NEK10: variants seen among roughly 807,000 people sequenced by gnomAD.
NEK10 encodes the protein NIMA related kinase 10.
A neutral mutation model predicts 159.8 loss-of-function variants in NEK10; 122 were observed. The observed-to-expected ratio is 0.76, with a 90% CI of 0.66 to 0.89. The LOEUF is 0.89. Ranked by LOEUF, NEK10 falls within the 40% of genes least tolerant of loss-of-function variation. The probability of loss-of-function intolerance (pLI) is 0.00; values close to 1 mark genes in which losing one functional copy is unlikely to be tolerated. For missense variants in NEK10, 1,342 were observed against 1,323.1 expected, an observed-to-expected ratio of 1.01 and a Z score of -0.22; for synonymous variants, 466 against 457.1, an observed-to-expected ratio of 1.02 and a Z score of -0.25.
intron 5 of NEK10, among the ~76,000 whole-genome samples, chr3:27,338,081 C>G (rs1287220951): frequency 6.6e-6 from 1 of 152,142 alleles, no homozygotes; most frequent in Admixed American, 6.5e-5. Flanking sequence ...TCTCCTAATG[C>G]TATCCCTCTC....
At chr3:27,173,302 T>C (rs1166357153) in intron 28 of NEK10, among the ~76,000 whole-genome samples, 1 of 152,202 alleles carries the variant, frequency 6.6e-6, no homozygotes, top group African/African-American at 2.4e-5. Context: ...ATCTCTTTCC[T>C]ACCTCCCCAC....
rs1954229239 is a variant in NEK10 at position 27,238,746 on chromosome 3, C to CGTGTGTGTGTGTGTAT, written c.2090+17549_2090+17550insATACACACACACACAC. On this transcript the variant is annotated intron_variant, in intron 23 of 35. Transcript: ENST00000691995. The stretch of plus-strand genomic sequence containing the variant: ...TATTTATCTAACCAACCTCCCCTTT[C>CGTGTGTGTGTGTGTAT]GTGTGTGTGTGTGTGTGTGTGTGTG... Among the ~76,000 whole-genome samples, 4 of 138,138 alleles carry CGTGTGTGTGTGTGTAT rather than the reference C, an allele frequency of 2.9e-5. No homozygotes were observed. The East Asian group carries it at 6.6e-4, about 23-fold the overall frequency. 90.6% of individuals were successfully genotyped at this position (138,138 alleles called of 152,430 possible).
intron 22 of NEK10, among the ~76,000 whole-genome samples, chr3:27,259,262 C>T (rs1334182915): frequency 6.6e-6 from 1 of 152,110 alleles, no homozygotes; most frequent in African/African-American, 2.4e-5. Flanking sequence ...GTTGCCATTG[C>T]TTTTGGTGTT....
intron 1 of NEK10, among the ~76,000 whole-genome samples, chr3:27,360,334 A>C (rs1334307963): frequency 6.6e-6 from 1 of 152,216 alleles, no homozygotes; most frequent in Non-Finnish European, 1.5e-5. Context: ...ACACATGAGA[A>C]GGCACATTCT....
chr3:27,176,778 T>C (rs929360815), intron 26 of NEK10, among the ~76,000 whole-genome samples: 2 of 152,160 alleles, frequency 1.3e-5, no homozygotes, highest in African/African-American at 4.8e-5. Context: ...CTGCAACCTT[T>C]TCAGGACTTT....
At chr3:27,167,738 G>A (rs769755070) in intron 29 of NEK10, among the ~76,000 whole-genome samples, 10 of 152,162 alleles carry the variant, frequency 6.6e-5, no homozygotes, top group African/African-American at 2.4e-4. Flanking sequence ...CAAAGAAATT[G>A]GGGCTTATTC....
chr3:27,221,349 A>G (rs1455492438), intron 23 of NEK10, among the ~76,000 whole-genome samples: 1 of 152,334 alleles, frequency 6.6e-6, no homozygotes, highest in East Asian at 1.9e-4. Flanking sequence ...GGGCAAAAAC[A>G]AAGTTGTTAA....
At chr3:27,316,387 T>G (rs1300794854) in intron 6 of NEK10, among the ~76,000 whole-genome samples, 2 of 151,600 alleles carry the variant, frequency 1.3e-5, no homozygotes, top group Non-Finnish European at 2.9e-5. Context: ...TAAGTGGGAG[T>G]GGCTGGGCAC....
chr3:27,347,353 T>G (rs1289739856), intron 3 of NEK10, among the ~76,000 whole-genome samples: 1 of 151,822 alleles, frequency 6.6e-6, no homozygotes, highest in Non-Finnish European at 1.5e-5. Flanking sequence ...AAATACAAAA[T>G]TAGCCAGGTG....
chr3:27,169,016 T>A (rs1047689163), intron 29 of NEK10, among the ~76,000 whole-genome samples: 2 of 152,196 alleles, frequency 1.3e-5, no homozygotes, highest in Non-Finnish European at 2.9e-5. Context: ...CATATGGGGT[T>A]TTTGTTTGGT....
intron 30 of NEK10, among the ~76,000 whole-genome samples, chr3:27,154,340 G>C (rs972571949): frequency 6.6e-6 from 1 of 152,284 alleles, no homozygotes; most frequent in African/African-American, 2.4e-5. Flanking sequence ...TCCAGGACCA[G>C]AGGGATTCAC....
chr3:27,250,537 C>T lies in NEK10; in HGVS notation c.2090+5759G>A, dbSNP rs369090527. Among the ~76,000 whole-genome samples the T allele has an allele frequency of 1.2e-4, 18 of 152,180 alleles. No individual in the cohort carries two copies. The South Asian group carries it at 3.7e-3, about 32-fold the overall frequency. On this transcript the variant is annotated intron_variant, in intron 23 of 35. Transcript: ENST00000691995. ...TTGTATGTTCAGATGGTTTCTTATTCCTCATTAATGCCCTTTCATTTCTGA... is the reference window on the plus strand; with the variant it reads ...TTGTATGTTCAGATGGTTTCTTATTTCTCATTAATGCCCTTTCATTTCTGA...
chr3:27,138,312 C>T (rs552718834), intron 31 of NEK10, among the ~76,000 whole-genome samples: 3 of 152,306 alleles, frequency 2.0e-5, no homozygotes, highest in South Asian at 4.1e-4. Context: ...TTCCAGGGCA[C>T]AGTACCTCAC....
intron 13 of NEK10, among the ~76,000 whole-genome samples, chr3:27,300,014 G>C (rs2043678147): frequency 6.6e-6 from 1 of 152,164 alleles, no homozygotes; most frequent in South Asian, 2.1e-4. Flanking sequence ...AATGAGTTAA[G>C]ACTTTGGGGG....
chr3:27,266,237 C>T (rs1019294044), intron 22 of NEK10, among the ~76,000 whole-genome samples: 2 of 152,176 alleles, frequency 1.3e-5, no homozygotes, highest in African/African-American at 2.4e-5. Context: ...GGCTTTGATG[C>T]TGTCTAAGAA....
At position 27,119,824 on chromosome 3, in the gene NEK10, T is replaced by TGTGAAAAAGTGGG. The variant is rs1941028154; in HGVS notation, c.3125_3126insCCCACTTTTTCAC (p.Ala1043ProfsTer23). 1 of 1,613,892 alleles carries TGTGAAAAAGTGGG rather than the reference T, an allele frequency of 6.2e-7. No homozygotes were observed. The highest frequency in any genetic ancestry group is 8.5e-7 in the Non-Finnish European group (1 of 1,179,910). On this transcript the variant is annotated frameshift_variant, in exon 33 of 36. Coordinates refer to ENST00000691995, the MANE Select transcript of NEK10 (RefSeq NM_001394966.1). LOFTEE classifies it high-confidence loss of function. ...AACGATGTAATAAATGGTAATCTGC[T>TGTGAAAAAGTGGG]GTGAAAAAGTTGGGCTCAATCGGTT...
At chr3:27,225,206 T>C (rs1477645383) in intron 23 of NEK10, among the ~76,000 whole-genome samples, 2 of 152,202 alleles carry the variant, frequency 1.3e-5, no homozygotes, top group South Asian at 4.1e-4. Context: ...CCAGTCTCTC[T>C]TTCCACACTT....
intron 26 of NEK10, among the ~76,000 whole-genome samples, chr3:27,177,555 AAT>A (rs572340320): frequency 0.055 from 7,740 of 141,966 alleles, 224 homozygotes; most frequent in African/African-American, 0.07. Context: ...CAAAAAAAAA[AAT>A]ATATATATAT....
intron 5 of NEK10, among the ~76,000 whole-genome samples, chr3:27,339,824 G>C (rs2047076871): frequency 6.7e-6 from 1 of 150,286 alleles, no homozygotes; most frequent in African/African-American, 2.4e-5. Context: ...TCTCACGCCA[G>C]TTAGAATGGT....
Sources: allele counts gnomAD v4.1 joint callset (sites outside exome capture counted in the v4.1 genomes callset), GRCh38; gene constraint gnomAD v4.1.1; transcripts MANE v1.5; gene names NCBI Gene and HGNC (gene_info 2026-07-23, HGNC 2026-07-21).